The following FRMD4A variants were observed in gnomAD, a reference collection of about 807,000 sequenced individuals.
The protein encoded by FRMD4A is FERM domain containing 4A.
In FRMD4A, 29 loss-of-function variants were observed where a neutral mutation model predicts 129.1. That is an observed-to-expected ratio of 0.22 (90% CI 0.17 to 0.31). The LOEUF (loss-of-function observed/expected upper bound fraction) is 0.31. FRMD4A is among the 10% of genes least tolerant of loss of function. The pLI, the probability that FRMD4A is intolerant of heterozygous loss-of-function variation, is 1.00. For missense variants in FRMD4A, 1,272 were observed against 1,375.8 expected (o/e 0.92, Z 1.19); for synonymous variants, 634 against 571.6 (o/e 1.11, Z -1.56).
intron 2 of FRMD4A, among the ~76,000 whole-genome samples, chr10:13,919,192 G>T (rs895517704): frequency 1.3e-5 from 2 of 152,196 alleles, no homozygotes; most frequent in African/African-American, 4.8e-5. Context: ...TAGCAGAAAA[G>T]GTTAAAAAGA....
chr10:14,266,418 A>G (rs952981857), intron 2 of FRMD4A, among the ~76,000 whole-genome samples: 2 of 152,148 alleles, frequency 1.3e-5, no homozygotes, highest in African/African-American at 4.8e-5. Flanking sequence ...ATTTTCTGTT[A>G]CAGTGCCATT....
intron 2 of FRMD4A, chr10:13,870,734 G>C (rs2094430375): frequency 6.6e-6 from 1 of 152,430 alleles, no homozygotes; most frequent in African/African-American, 2.4e-5. Flanking sequence ...ACCGTGCTGG[G>C]TTGCCGCCAC....
rs182263259 is a variant in FRMD4A, at chr10:14,039,543, C to G, written c.46-180631G>C. Among the ~76,000 whole-genome samples the G allele has an allele frequency of 2.6e-3, 388 of 151,678 alleles. 3 individuals carry two copies. The highest frequency in any genetic ancestry group is 8.9e-3 in the African/African-American group (366 of 41,216). ...CTATCATCTTGGAACCCCAAAATCA[C>G]TAAGCTAAAGGGAAAAATCAAGCTG... On this transcript the variant is annotated intron_variant, in intron 2 of 24. Transcript: ENST00000357447.
Position 14,082,338 on chromosome 10 carries a change from A to C in FRMD4A, c.46-223426T>G, listed in dbSNP as rs534619213. 2.0e-5 allele frequency among the ~76,000 whole-genome samples: 3 copies of C among 152,354 alleles called. No individual in the cohort carries two copies. In the South Asian group the frequency reaches 6.2e-4, roughly 32 times the overall value. On this transcript the variant is annotated intron_variant, in intron 2 of 24. Transcript: ENST00000357447. ...TGTGGAATCTCTGTTGAAAACCAACATAAGTAATTTCAGATAGAACTACTA... is the reference window on the plus strand; with the variant it reads ...TGTGGAATCTCTGTTGAAAACCAACCTAAGTAATTTCAGATAGAACTACTA...
intron 14 of FRMD4A, among the ~76,000 whole-genome samples, chr10:13,697,920 GACA>G (rs2086384279): frequency 2.0e-5 from 3 of 152,190 alleles, no homozygotes; most frequent in South Asian, 2.1e-4. Flanking sequence ...GGATCTAGCA[GACA>G]ACGTTTCTGA....
intron 2 of FRMD4A, among the ~76,000 whole-genome samples, chr10:13,944,823 C>T (rs2095320115): frequency 6.6e-6 from 1 of 152,242 alleles, no homozygotes; most frequent in South Asian, 2.1e-4. Flanking sequence ...TGTCTGTGCA[C>T]ACAGTGTCAG....
At chr10:13,682,789 T>C (rs1161896509) in intron 15 of FRMD4A, among the ~76,000 whole-genome samples, 1 of 151,998 alleles carries the variant, frequency 6.6e-6, no homozygotes, top group Non-Finnish European at 1.5e-5. Context: ...ATTACAGGCG[T>C]GAGCCACTGC....
chr10:14,054,797 T>A (rs530449420), intron 2 of FRMD4A, among the ~76,000 whole-genome samples: 1 of 152,288 alleles, frequency 6.6e-6, no homozygotes, highest in East Asian at 1.9e-4. Context: ...GGGGCAGGGT[T>A]TTCCCCTGCT....
intron 2 of FRMD4A, among the ~76,000 whole-genome samples, chr10:13,886,100 C>G (rs890923499): frequency 2.2e-4 from 34 of 152,172 alleles, no homozygotes; most frequent in African/African-American, 8.0e-4. Flanking sequence ...TATACTTCTT[C>G]CCAGGCATGT....
chr10:14,227,232 CTCT>C (rs1223079190), intron 2 of FRMD4A, among the ~76,000 whole-genome samples: 20 of 125,662 alleles, frequency 1.6e-4, no homozygotes, highest in Non-Finnish European at 2.8e-4. Flanking sequence ...CCTCCTCCTT[CTCT>C]TCTTCTTCTT....
rs185707146 is a variant in FRMD4A, at chr10:14,052,354, A to G, written c.46-193442T>C. On this transcript the variant is annotated intron_variant, in intron 2 of 24. Transcript: ENST00000357447. ...CTGTATCTGTCTGCTTTGCATTGCT[A>G]TAAAGGAGTACCTGAAGCTGGGTAA... Among the ~76,000 whole-genome samples the G allele has an allele frequency of 1.7e-3, 254 of 152,336 alleles. 4 individuals are homozygous for G. Among genetic ancestry groups the G allele is most frequent in the Non-Finnish European group, 2.1e-3 (144 of 68,036 alleles).
chr10:14,160,593 A>G (rs1236202812), intron 2 of FRMD4A, among the ~76,000 whole-genome samples: 1 of 152,230 alleles, frequency 6.6e-6, no homozygotes, highest in Admixed American at 6.5e-5. Context: ...CTCAACAGCA[A>G]ATAACAATAA....
chr10:14,214,177 T>A (rs1025340725), intron 2 of FRMD4A, among the ~76,000 whole-genome samples: 7 of 152,212 alleles, frequency 4.6e-5, no homozygotes, highest in African/African-American at 4.8e-5. Context: ...AGGCTTTTCT[T>A]CATAGCAGTC....
chr10:13,974,982 T>A (rs1448466912), intron 2 of FRMD4A, among the ~76,000 whole-genome samples: 1 of 64,204 alleles, frequency 1.6e-5, no homozygotes, highest in African/African-American at 6.2e-5. Flanking sequence ...TCACTATAGG[T>A]GTGTGTGTGT....
chr10:14,188,734 G>C lies in FRMD4A; in HGVS notation c.45+141324C>G, dbSNP rs1322372810. On this transcript the variant is annotated intron_variant, in intron 2 of 24. Transcript: ENST00000357447. ...AACCTGGGCAACATAGTGAGACCCCGTCCCTACGAAAAATCAAAAAATTAG... is the reference window on the plus strand; with the variant it reads ...AACCTGGGCAACATAGTGAGACCCCCTCCCTACGAAAAATCAAAAAATTAG... Among the ~76,000 whole-genome samples the C allele has an allele frequency of 4.6e-5, 7 of 152,298 alleles. No homozygotes were observed. The East Asian group carries it at 5.8e-4, about 13-fold the overall frequency.
intron 2 of FRMD4A, among the ~76,000 whole-genome samples, chr10:13,953,817 C>T (rs965553157): frequency 6.6e-6 from 1 of 152,148 alleles, no homozygotes; most frequent in South Asian, 2.1e-4. Flanking sequence ...TGGTACTATT[C>T]GAGGTTTCAG....
At chr10:13,710,881 G>A (rs770111975) in intron 12 of FRMD4A, among the ~76,000 whole-genome samples, 1 of 152,114 alleles carries the variant, frequency 6.6e-6, no homozygotes, top group Non-Finnish European at 1.5e-5. Context: ...GGGTGTAGTG[G>A]TGGGCACCTG....
In FRMD4A at chr10:14,247,010, T is replaced by A. The variant is rs115169117; in HGVS notation, c.45+83048A>T. Among the ~76,000 whole-genome samples, 462 of 152,256 alleles carry A rather than the reference T, an allele frequency of 3.0e-3. 2 individuals carry two copies. The highest frequency in any genetic ancestry group is 0.011 in the African/African-American group (440 of 41,538). On this transcript the variant is annotated intron_variant, in intron 2 of 24. Transcript: ENST00000357447. ...GTATATCAAGCTCTAGAATATTTTT[T>A]CTTCACAGGAGGTTTTTAAAGATGA... is the stretch of plus-strand genomic sequence containing the variant.
chr10:14,258,305 G>C (rs1844685309), intron 2 of FRMD4A, among the ~76,000 whole-genome samples: 2 of 143,968 alleles, frequency 1.4e-5, no homozygotes, highest in South Asian at 4.3e-4. Flanking sequence ...ATGTATATTT[G>C]ATAAAGGGGT....
Sources: gnomAD v4.1 joint callset for allele counts (sites outside exome capture counted in the v4.1 genomes callset) on GRCh38, gnomAD v4.1.1 for gene constraint, MANE v1.5 for transcripts, NCBI Gene and HGNC (gene_info 2026-07-23, HGNC 2026-07-21) for gene names.